Variants in SETD2 observed in about 807,000 individuals in gnomAD.
The protein encoded by SETD2 is SET domain containing 2, histone lysine methyltransferase, also known as histone-lysine N-methyltransferase SETD2.
In SETD2, 31 loss-of-function variants were observed where a neutral mutation model predicts 242.1. The ratio of observed to expected loss-of-function variants is 0.13; its 90% CI spans 0.10 to 0.17. SETD2 has a LOEUF of 0.17. Among genes scored for constraint, SETD2 ranks in the 10% least tolerant of loss-of-function variants. The probability of loss-of-function intolerance (pLI) is 1.00; values close to 1 mark genes in which losing one functional copy is unlikely to be tolerated. For synonymous variants in SETD2, 1,006 were observed against 1,066.5 expected, an observed-to-expected ratio of 0.94 and a Z score of 1.11; for missense variants, 2,481 against 3,046.3, an observed-to-expected ratio of 0.81 and a Z score of 4.37.
intron 1 of SETD2, among the ~76,000 whole-genome samples, chr3:47,156,387 C>G (rs1344685396): frequency 6.6e-6 from 1 of 152,114 alleles, no homozygotes; most frequent in East Asian, 1.9e-4. Context: ...GATAGATAAT[C>G]TTGTATGTAT....
chr3:47,019,925 T>C, intron 18 of SETD2, 85 bp from the exon 19 acceptor site: 1 of 1,161,110 alleles, frequency 8.6e-7, no homozygotes. Context: ...CTCCTTTCTT[T>C]CCCCTAGCAG....
At chr3:47,037,834 A>G in intron 17 of SETD2, 57 bp from the exon 18 acceptor site, 2 of 1,188,736 alleles carry the variant, frequency 1.7e-6, no homozygotes, top group Non-Finnish European at 2.5e-6. Flanking sequence ...GAATCCTGAC[A>G]TAAACATCAC....
chr3:47,042,571 C>T lies in SETD2; in HGVS notation c.7228G>A (p.Val2410Met), dbSNP rs1476371771. The T allele has an allele frequency of 1.2e-6, 2 of 1,613,948 alleles. No homozygotes were observed. The highest frequency in any genetic ancestry group is 2.7e-5 in the African/African-American group (2 of 74,896). The stretch of plus-strand genomic sequence containing the variant: ...TACAGCTCCTCTTACCTTGTGATCA[C>T]ATGGTAGTAATAAATCTTCCCTTCT... Reference protein sequence around the residue: ...DPEGKIYYYHVITRQTQWDPP... With the variant: ...DPEGKIYYYHMITRQTQWDPP... Residue 2410 changes from valine to methionine, a missense_variant, in exon 17 of 21, where the codon GTG becomes ATG. By Grantham distance (21) the Val-to-Met change is conservative. Coordinates refer to ENST00000409792, the MANE Select transcript of SETD2 (RefSeq NM_014159.7).
intron 1 of SETD2, among the ~76,000 whole-genome samples, chr3:47,136,471 A>T (rs1286401852): frequency 6.6e-6 from 1 of 152,214 alleles, no homozygotes; most frequent in African/African-American, 2.4e-5. Context: ...AATGAATGAA[A>T]TCATGTTGTT....
intron 7 of SETD2, among the ~76,000 whole-genome samples, chr3:47,101,879 AAAG>A (rs1176563605): frequency 6.6e-6 from 1 of 152,262 alleles, no homozygotes; most frequent in Non-Finnish European, 1.5e-5. Flanking sequence ...TCCATACAGT[AAAG>A]ATTCACTTGT....
chr3:47,023,465 T>A (rs954716849), intron 18 of SETD2, among the ~76,000 whole-genome samples: 1 of 152,138 alleles, frequency 6.6e-6, no homozygotes, highest in African/African-American at 2.4e-5. Context: ...AACTACATCT[T>A]TTGTGGCAGC....
intron 15 of SETD2, among the ~76,000 whole-genome samples, chr3:47,051,916 A>G (rs1023484083): frequency 1.3e-5 from 2 of 152,206 alleles, no homozygotes; most frequent in Admixed American, 1.3e-4. Context: ...CATTATGCAG[A>G]CACTAGTATT....
At chr3:47,025,729 A>G (rs1404679745) in intron 18 of SETD2, among the ~76,000 whole-genome samples, 1 of 152,206 alleles carries the variant, frequency 6.6e-6, no homozygotes, top group Non-Finnish European at 1.5e-5. Context: ...CTGTACTCCT[A>G]TACATCTCAA....
intron 18 of SETD2, among the ~76,000 whole-genome samples, chr3:47,036,855 T>C (rs535932021): frequency 1.4e-5 from 2 of 144,532 alleles, no homozygotes; most frequent in East Asian, 2.1e-4. Flanking sequence ...TGAGCCGAGA[T>C]TGTACCACTG....
intron 1 of SETD2, among the ~76,000 whole-genome samples, chr3:47,160,187 C>T (rs1419269127): frequency 6.6e-6 from 1 of 152,194 alleles, no homozygotes; most frequent in Non-Finnish European, 1.5e-5. Context: ...CAAGGATACT[C>T]ACCCAGTATA....
chr3:47,162,262 A>AT (rs1466554633), intron 1 of SETD2, among the ~76,000 whole-genome samples: 3 of 152,208 alleles, frequency 2.0e-5, no homozygotes, highest in Admixed American at 2.0e-4. Flanking sequence ...CTATATAAGC[A>AT]TTTATTGAAT....
chr3:47,074,679 T>C (rs946161974), intron 12 of SETD2, among the ~76,000 whole-genome samples: 2 of 152,204 alleles, frequency 1.3e-5, no homozygotes, highest in Non-Finnish European at 2.9e-5. Flanking sequence ...GAAACACTTT[T>C]TGAACCACAG....
rs778626356 is a variant in SETD2, at chr3:47,122,364, C to T, written c.2272G>A (p.Asp758Asn). ...ATAACTGGCATAGACATGAGTTTAT[C>T]TTGGTGTGGTGACACCAGAGGTTCT... ...ETEPLVSPHQ[D>N]KLMSMPVMTV... is the part of the protein sequence containing the mutation. Residue 758 changes from aspartate (D) to asparagine (N), a missense_variant, in exon 3 of 21, where the codon GAT (aspartate) becomes AAT (asparagine). By Grantham distance (23) the Asp-to-Asn change is conservative. Coordinates refer to ENST00000409792, the MANE Select transcript of SETD2 (RefSeq NM_014159.7). The T allele has an allele frequency of 6.2e-7, 1 of 1,614,130 alleles. No homozygotes were observed. The highest frequency in any genetic ancestry group is 2.2e-5 in the East Asian group (1 of 44,872).
Position 47,075,051 on chromosome 3 carries a change from G to A in SETD2, c.6061-7933C>T, listed in dbSNP as rs186195409. 6.7e-3 allele frequency among the ~76,000 whole-genome samples: 1,010 copies of A among 150,602 alleles called. 8 individuals carry two copies. The highest frequency in any genetic ancestry group is 0.011 in the Non-Finnish European group (717 of 67,600). On this transcript the variant is annotated intron_variant, in intron 12 of 20. Transcript: ENST00000409792. Reference sequence around the variant, plus strand: ...CCGGAGGCTGTGGCAGGAGAATGGCGTGAACCCAGGAGGTGGAGCTTGCAG... The same window carrying A: ...CCGGAGGCTGTGGCAGGAGAATGGCATGAACCCAGGAGGTGGAGCTTGCAG...
At chr3:47,114,242 T>G (rs1426694700) in intron 4 of SETD2, among the ~76,000 whole-genome samples, 3 of 152,196 alleles carry the variant, frequency 2.0e-5, no homozygotes, top group Non-Finnish European at 4.4e-5. Context: ...TGATATCTGG[T>G]CATCACAGAA....
chr3:47,125,414 A>G (rs1007808926), intron 2 of SETD2, among the ~76,000 whole-genome samples: 3 of 152,196 alleles, frequency 2.0e-5, no homozygotes, highest in Admixed American at 6.6e-5. Context: ...ATTGAGCTCT[A>G]AGATGAGGAA....
In SETD2 at chr3:47,122,578, A is replaced by T. The variant is rs1303815832; in HGVS notation, c.2058T>A (p.Phe686Leu). Residue 686 changes from phenylalanine (F) to leucine (L), a missense_variant, in exon 3 of 21, where the codon TTT becomes TTA. Physicochemically the swap from Phe to Leu is conservative, Grantham distance 22. Coordinates refer to ENST00000409792, the MANE Select transcript of SETD2 (RefSeq NM_014159.7). ...AAACAGCATCAGTTTTAGAAGTGCA[A>T]AATGTTGCCAAATCAGATTCTGCCC... is the stretch of plus-strand genomic sequence containing the variant. Reference protein sequence around the residue: ...SPGAESDLATFCTSKTDAVLM... With the variant: ...SPGAESDLATLCTSKTDAVLM... 6.2e-7 allele frequency: 1 copy of T among 1,614,144 alleles called. No individual in the cohort carries two copies. The highest frequency in any genetic ancestry group is 8.5e-7 in the Non-Finnish European group (1 of 1,180,000).
upstream of SETD2, among the ~76,000 whole-genome samples, chr3:47,164,765 C>T (rs1403479014): frequency 6.6e-6 from 1 of 152,216 alleles, no homozygotes; most frequent in African/African-American, 2.4e-5. This position sits in a 1 kb window ranked among gnomAD's most constrained non-coding sequence, Gnocchi z 5.4. Context: ...CAGCCTCCTC[C>T]GCCTTCCTTC....
chr3:47,114,427 A>G (rs1377969421), intron 4 of SETD2, among the ~76,000 whole-genome samples: 1 of 152,236 alleles, frequency 6.6e-6, no homozygotes. Context: ...ACAATTGAGA[A>G]AATCTAAAGT....
Sources: gnomAD v4.1 joint callset for allele counts (sites outside exome capture counted in the v4.1 genomes callset) on GRCh38, gnomAD v4.1.1 for gene constraint, Gnocchi (gnomAD v3.1) non-coding constraint, MANE v1.5 for transcripts, NCBI Gene and HGNC (gene_info 2026-07-23, HGNC 2026-07-21) for gene names.